The following SDK2 variants were observed in gnomAD, a reference collection of about 807,000 sequenced individuals.
SDK2 encodes the protein sidekick cell adhesion molecule 2.
SDK2 carries 105 observed loss-of-function variants against 253.9 expected under a neutral mutation model. The ratio of observed to expected loss-of-function variants is 0.41; its 90% CI spans 0.35 to 0.49. The LOEUF (loss-of-function observed/expected upper bound fraction) is 0.49. Among genes scored for constraint, SDK2 ranks in the 20% least tolerant of loss-of-function variants. The probability of loss-of-function intolerance (pLI) is 0.06; values close to 1 mark genes in which losing one functional copy is unlikely to be tolerated. For missense variants in SDK2, 2,608 were observed against 3,003.0 expected (o/e 0.87, Z 3.07); for synonymous variants, 1,249 against 1,234.9 (o/e 1.01, Z -0.24).
At chr17:73,353,822 G>A (rs2062561045) in intron 40 of SDK2, among the ~76,000 whole-genome samples, 1 of 148,338 alleles carries the variant, frequency 6.7e-6, no homozygotes. Flanking sequence ...TCCTACCTCA[G>A]CCTCCCGGAT....
intron 1 of SDK2, among the ~76,000 whole-genome samples, chr17:73,556,477 C>T (rs74644618): frequency 0.011 from 1,670 of 152,330 alleles, 13 homozygotes; most frequent in Non-Finnish European, 0.016. Flanking sequence ...GGGCGATGCT[C>T]ACTGGACATG....
Position 73,386,554 on chromosome 17 carries a change from G to A in SDK2, c.4395-6C>T. ...AGGACGTGAAGGGCTTCAGCCTGTAGGGAGAAATCAGGGCCAATGAGCCAA... is the reference window on the plus strand; with the variant it reads ...AGGACGTGAAGGGCTTCAGCCTGTAAGGAGAAATCAGGGCCAATGAGCCAA... On this transcript the variant is annotated splice_region_variant and splice_polypyrimidine_tract_variant and intron_variant, in intron 30 of 44. Transcript: ENST00000392650. The A allele has an allele frequency of 6.5e-7, 1 of 1,549,296 alleles. No individual in the cohort carries two copies. Among genetic ancestry groups the A allele is most frequent in the Non-Finnish European group, 8.7e-7 (1 of 1,144,620 alleles).
At chr17:73,553,336 G>T (rs1001767641) in intron 1 of SDK2, among the ~76,000 whole-genome samples, 4 of 152,184 alleles carry the variant, frequency 2.6e-5, no homozygotes, top group African/African-American at 9.7e-5. Flanking sequence ...AGGACTTACT[G>T]CCTATTTAAT....
At chr17:73,524,761 G>A (rs903086853) in intron 1 of SDK2, among the ~76,000 whole-genome samples, 14 of 152,192 alleles carry the variant, frequency 9.2e-5, no homozygotes, top group African/African-American at 2.9e-4. Flanking sequence ...CACATGGTCA[G>A]TGTAGACCCT....
At chr17:73,369,278 T>C in intron 36 of SDK2, 1 of 375,098 alleles carries the variant, frequency 2.7e-6, no homozygotes, top group Non-Finnish European at 5.8e-6. Flanking sequence ...CAGAGTGTGG[T>C]GCAAGTGCTG....
rs1019381464 is a variant in SDK2 at position 73,341,978 on chromosome 17, C to T, written c.6166-3038G>A. 3.7e-4 allele frequency among the ~76,000 whole-genome samples: 56 copies of T among 151,994 alleles called. 1 individual carries two copies. Among genetic ancestry groups the T allele is most frequent in the Admixed American group, 3.4e-3 (52 of 15,258 alleles). On this transcript the variant is annotated intron_variant, in intron 44 of 44. Transcript: ENST00000392650. ...GGTTTTGCTGGGGAAGTGATCCGGC[C>T]GGGCTTGAACTCCAATCTGCCTGAT...
intron 2 of SDK2, among the ~76,000 whole-genome samples, chr17:73,505,116 C>A (rs866903622): frequency 5.9e-5 from 9 of 152,194 alleles, no homozygotes; most frequent in Non-Finnish European, 1.2e-4. Flanking sequence ...TCTGCATTCT[C>A]CCGATTGCTT....
chr17:73,455,967 A>G lies in SDK2; in HGVS notation c.418T>C (p.Phe140Leu). The change falls in exon 4 of 45, where the codon TTC becomes CTC. Residue 140 changes from phenylalanine to leucine, a missense_variant. By Grantham distance (22) the Phe-to-Leu change is conservative. This residue lies in a region of SDK2 where 1,505 missense variants were observed against 1,859.1 expected (regional missense o/e 0.81). Coordinates refer to ENST00000392650, the MANE Select transcript of SDK2 (RefSeq NM_001144952.2). This position sits in a 1 kb window ranked among gnomAD's most constrained non-coding sequence, Gnocchi z 5.0. ...AACCAGGTCACCTGTGGCTGGGGGAAGCTGGCGATGCGCGGGGCACGGATG... is the reference window on the plus strand; with the variant it reads ...AACCAGGTCACCTGTGGCTGGGGGAGGCTGGCGATGCGCGGGGCACGGATG... ...AVIRAPRIAS[F>L]PQPQVTWFRD... The G allele has an allele frequency of 6.5e-7, 1 of 1,548,606 alleles. No individual in the cohort carries two copies. The highest frequency in any genetic ancestry group is 8.7e-7 in the Non-Finnish European group (1 of 1,146,206).
chr17:73,402,070 G>C lies in SDK2; in HGVS notation c.2556C>G (p.Ser852Arg), dbSNP rs554618657. 4 of 1,614,064 alleles carry C rather than the reference G, an allele frequency of 2.5e-6. No individual in the cohort carries two copies. In the African/African-American group the frequency reaches 5.3e-5, roughly 22 times the overall value. Reference sequence around the variant, plus strand: ...GGCCAGACACGAAGCCCACGTGGATGCTGTCTTGAAAGTTAGGCCGGGCGG... The same window carrying C: ...GGCCAGACACGAAGCCCACGTGGATCCTGTCTTGAAAGTTAGGCCGGGCGG... ...MVTARPNFQD[S>R]IHVGFVSGLK... Residue 852 changes from serine to arginine, a missense_variant, in exon 19 of 45, where the codon AGC becomes AGG. Ser to Arg is a moderately radical substitution (Grantham distance 110). Transcript: ENST00000392650.
At chr17:73,530,053 C>T (rs909607561) in intron 1 of SDK2, among the ~76,000 whole-genome samples, 3 of 152,196 alleles carry the variant, frequency 2.0e-5, no homozygotes, top group Non-Finnish European at 4.4e-5. Flanking sequence ...TACCCTTCCA[C>T]ATCTTGCATT....
At chr17:73,573,428 C>A (rs1338436662) in intron 1 of SDK2, among the ~76,000 whole-genome samples, 1 of 152,126 alleles carries the variant, frequency 6.6e-6, no homozygotes, top group African/African-American at 2.4e-5. Flanking sequence ...CACTCTGCAC[C>A]CCCTTCCCAA....
At chr17:73,600,574 T>C (rs112711858) in intron 1 of SDK2, among the ~76,000 whole-genome samples, 3,276 of 152,118 alleles carry the variant, frequency 0.022, 111 homozygotes, top group African/African-American at 0.072. Context: ...CCCAAGTGAC[T>C]CCGATGGTGC....
At chr17:73,536,466 C>T (rs180702861) in intron 1 of SDK2, among the ~76,000 whole-genome samples, 4 of 152,372 alleles carry the variant, frequency 2.6e-5, no homozygotes, top group Admixed American at 6.5e-5. Context: ...CTGCCATCTA[C>T]ACCCTCCAAA....
In SDK2 at chr17:73,481,953, C is replaced by T. The variant is rs1233920691; in HGVS notation, c.225-9735G>A. Among the ~76,000 whole-genome samples the T allele has an allele frequency of 6.6e-6, 1 of 152,210 alleles. No homozygotes were observed. Among genetic ancestry groups the T allele is most frequent in the East Asian group, 1.9e-4 (1 of 5,190 alleles). On this transcript the variant is annotated intron_variant, in intron 2 of 44. Transcript: ENST00000392650. This position sits in a 1 kb window ranked among gnomAD's most constrained non-coding sequence, Gnocchi z 4.5. ...CTCCCATTGCTTCTGCTTCTCTGCA[C>T]AACCCCGACTAATACACCGACCGTA...
In SDK2 at chr17:73,393,579, C is replaced by T. The variant is rs370932144; in HGVS notation, c.3879G>A (p.Leu1293=). ...GDGSPSHPPI[L]ERTLDDVPGP... is the part of the protein sequence containing the mutation. The stretch of plus-strand genomic sequence containing the variant: ...ACTCACCATCATCCAGCGTCCGCTC[C>T]AGGATGGGAGGGTGGCTGGGGCTGC... The change falls in exon 27 of 45, where the codon CTG becomes CTA. Residue 1293 remains leucine, a synonymous_variant. Coordinates refer to ENST00000392650, the MANE Select transcript of SDK2 (RefSeq NM_001144952.2). 18 of 1,569,988 alleles carry T rather than the reference C, an allele frequency of 1.1e-5. No individual in the cohort carries two copies. The highest frequency in any genetic ancestry group is 1.6e-5 in the Non-Finnish European group (18 of 1,150,402).
intron 15 of SDK2, among the ~76,000 whole-genome samples, chr17:73,421,725 C>A (rs2145584828): frequency 6.6e-6 from 1 of 151,536 alleles, no homozygotes. Context: ...CCACACCCAG[C>A]TAATTTTCAT....
chr17:73,404,680 A>G (rs551997638), intron 18 of SDK2, among the ~76,000 whole-genome samples: 1 of 152,248 alleles, frequency 6.6e-6, no homozygotes, highest in South Asian at 2.1e-4. Context: ...GTTCTTTAGG[A>G]CATCTCTGTG....
chr17:73,559,557 G>A (rs1443464015), intron 1 of SDK2, among the ~76,000 whole-genome samples: 1 of 151,536 alleles, frequency 6.6e-6, no homozygotes, highest in African/African-American at 2.4e-5. Flanking sequence ...TGGTGTGGGG[G>A]CAAGCTCTGT....
At chr17:73,378,685 G>A (rs371043422) in intron 36 of SDK2, among the ~76,000 whole-genome samples, 63 of 152,294 alleles carry the variant, frequency 4.1e-4, no homozygotes, top group African/African-American at 1.4e-3. Flanking sequence ...CTCCCAAAGC[G>A]CTGGGATTAA....
Sources: gnomAD v4.1 joint callset for allele counts (sites outside exome capture counted in the v4.1 genomes callset) on GRCh38, gnomAD v4.1.1 for gene constraint, gnomAD v4.1.1 regional missense constraint, Gnocchi (gnomAD v3.1) non-coding constraint, MANE v1.5 for transcripts, NCBI Gene and HGNC (gene_info 2026-07-23, HGNC 2026-07-21) for gene names.